Variants in POLR2B observed in about 807,000 individuals in gnomAD.
POLR2B encodes RNA polymerase II subunit B.
Under a neutral mutation model 144.6 loss-of-function variants are expected in POLR2B, and 57 were observed. The ratio of observed to expected loss-of-function variants is 0.39; its 90% CI spans 0.32 to 0.49. The LOEUF is 0.49. Among genes scored for constraint, POLR2B ranks in the 20% least tolerant of loss-of-function variants. POLR2B has a pLI of 0.83. For missense variants in POLR2B, 595 were observed against 1,467.4 expected (o/e 0.41, Z 9.71); for synonymous variants, 442 against 469.8 (o/e 0.94, Z 0.77).
chr4:57,009,420 G>A (rs1192524840), intron 10 of POLR2B: 4 of 152,442 alleles, frequency 2.6e-5, no homozygotes, highest in Middle Eastern at 3.1e-3. Flanking sequence ...GGACTTTAAT[G>A]TTGTGCTCTT....
At chr4:56,987,333 T>C (rs1373893593) in intron 2 of POLR2B, among the ~76,000 whole-genome samples, 1 of 152,192 alleles carries the variant, frequency 6.6e-6, no homozygotes, top group Admixed American at 6.5e-5. Flanking sequence ...AAGCCTTGTA[T>C]AGGTAAGAAA....
chr4:57,010,587 GA>G, intron 11 of POLR2B, 83 bp downstream of exon 11: 1 of 1,432,578 alleles, frequency 7.0e-7, no homozygotes, highest in Non-Finnish European at 9.5e-7. Context: ...ATAGATGTTT[GA>G]AAAATTATGC....
chr4:57,001,051 A>T (rs537634154), intron 7 of POLR2B, among the ~76,000 whole-genome samples: 5 of 152,340 alleles, frequency 3.3e-5, no homozygotes, highest in African/African-American at 1.2e-4. Context: ...AAGTAATAAG[A>T]TCTGTACATT....
chr4:57,022,950 G>A (rs1377884707), intron 18 of POLR2B, among the ~76,000 whole-genome samples: 1 of 152,122 alleles, frequency 6.6e-6, no homozygotes, highest in Non-Finnish European at 1.5e-5. Context: ...TGTACAGAGG[G>A]CATCCATAGA....
intron 18 of POLR2B, 62 bp downstream of exon 18, chr4:57,022,308 T>A: frequency 9.8e-7 from 1 of 1,018,968 alleles, no homozygotes; most frequent in Non-Finnish European, 1.5e-6. Flanking sequence ...TTTTCCTAAG[T>A]GATTTTGATG....
Position 57,017,309 on chromosome 4 carries a change from G to A in POLR2B, c.2154+68G>A, listed in dbSNP as rs1723399959. On this transcript the variant is annotated intron_variant, in intron 15 of 24. Coordinates refer to ENST00000314595, the MANE Select transcript of POLR2B (RefSeq NM_000938.3). The surrounding 1 kb of genome is among the most constrained non-coding windows in gnomAD (Gnocchi z 4.8). Reference sequence around the variant, plus strand: ...AGTAATAAAAATTGAAAGTAACTCTGTAGTCTTATCTGGAGGGAAAAAGCC... The same window carrying A: ...AGTAATAAAAATTGAAAGTAACTCTATAGTCTTATCTGGAGGGAAAAAGCC... 3.4e-6 allele frequency: 4 copies of A among 1,170,584 alleles called. No individual in the cohort carries two copies. The Admixed American group carries it at 7.8e-5, about 23-fold the overall frequency. 72.5% of individuals were successfully genotyped at this position (1,170,584 alleles called of 1,614,324 possible). A position where few individuals can be genotyped will look rare whatever the true frequency, so the allele number is the denominator to read the frequency against.
At chr4:56,993,443 C>T (rs1035722536) in intron 3 of POLR2B, among the ~76,000 whole-genome samples, 10 of 152,190 alleles carry the variant, frequency 6.6e-5, no homozygotes, top group East Asian at 1.9e-4. Flanking sequence ...CCCTTTGGTT[C>T]GTTATCACCA....
At position 56,992,558 on chromosome 4, in the gene POLR2B, CTATTTT is replaced by C. The variant is rs1560473069; in HGVS notation, c.243+1662_243+1667del. ...TGATCAGTATGTGATTTTGGCTTAT[CTATTTT>C]TTTTTTTTTTTTTGAGACAGAGTCT... On this transcript the variant is annotated intron_variant, in intron 3 of 24. Coordinates refer to ENST00000314595, the MANE Select transcript of POLR2B (RefSeq NM_000938.3). Among the ~76,000 whole-genome samples the C allele has an allele frequency of 1.6e-4, 17 of 109,630 alleles. 2 individuals are homozygous for C. The highest frequency in any genetic ancestry group is 2.1e-4 in the Admixed American group (2 of 9,744). 71.9% of individuals were successfully genotyped at this position (109,630 alleles called of 152,430 possible). A position where few individuals can be genotyped will look rare whatever the true frequency, so the allele number is the denominator to read the frequency against.
chr4:56,999,854 A>C (rs187757092), intron 7 of POLR2B, 73 bp downstream of exon 7: 2 of 1,038,256 alleles, frequency 1.9e-6, no homozygotes, highest in East Asian at 4.9e-5. Context: ...CTAACCTTAA[A>C]ACATAGTAGA....
intron 2 of POLR2B, 140 bp from the exon 3 acceptor site, chr4:56,990,608 C>T (rs564886241): frequency 3.1e-5 from 21 of 678,088 alleles, no homozygotes; most frequent in African/African-American, 2.2e-4. Context: ...CTCATAGTGT[C>T]TTGTTTAGTG....
intron 16 of POLR2B, among the ~76,000 whole-genome samples, chr4:57,019,428 C>T (rs746480037): frequency 5.3e-5 from 8 of 151,614 alleles, no homozygotes; most frequent in Non-Finnish European, 8.8e-5. Context: ...TGGTCTCAAA[C>T]TTCTGGGCTC....
In POLR2B at chr4:57,010,398, A is replaced by G; in HGVS notation, c.1442A>G (p.His481Arg). ...NRLTFASTLS[H>R]LRRLNSPIGR... The stretch of plus-strand genomic sequence containing the variant: ...CTGACTTTTGCGTCTACTCTTTCTC[A>G]CCTGCGTCGTTTAAATTCTCCTATT... The change falls in exon 11 of 25, where the codon CAC becomes CGC. Residue 481 changes from histidine (H) to arginine (R), a missense_variant. His to Arg is a conservative substitution (Grantham distance 29). Around this residue, in one of 9 missense-constraint regions of POLR2B, gnomAD observed 251 missense variants for 567.3 expected, o/e 0.44. Coordinates refer to ENST00000314595, the MANE Select transcript of POLR2B (RefSeq NM_000938.3). 6.2e-7 allele frequency: 1 copy of G among 1,613,972 alleles called. No homozygotes were observed. Among genetic ancestry groups the G allele is most frequent in the Non-Finnish European group, 8.5e-7 (1 of 1,179,954 alleles).
chr4:57,027,736 T>A (rs1367267595), intron 23 of POLR2B, among the ~76,000 whole-genome samples: 1 of 152,260 alleles, frequency 6.6e-6, no homozygotes, highest in Non-Finnish European at 1.5e-5. Context: ...CATTGGTTTG[T>A]CTTGTACTTC....
chr4:56,998,221 AT>A lies in POLR2B; in HGVS notation c.736-1380del, dbSNP rs71657245. Among the ~76,000 whole-genome samples, 685 of 143,068 alleles carry A rather than the reference AT, an allele frequency of 4.8e-3. 1 individual carries two copies. Among genetic ancestry groups the A allele is most frequent in the African/African-American group, 0.011 (437 of 39,190 alleles). 93.9% of individuals were successfully genotyped at this position (143,068 alleles called of 152,430 possible). On this transcript the variant is annotated intron_variant, in intron 6 of 24. Coordinates refer to ENST00000314595, the MANE Select transcript of POLR2B (RefSeq NM_000938.3). ...TGTTGTAGACATTTTTTTTCTTTAA[AT>A]TTTTTTTTTTTTTTTGGAGACTAAG... is the stretch of plus-strand genomic sequence containing the variant.
chr4:57,014,904 CTGGTT>C (rs1723318410), intron 13 of POLR2B, among the ~76,000 whole-genome samples: 1 of 151,542 alleles, frequency 6.6e-6, no homozygotes, highest in Admixed American at 6.6e-5. Flanking sequence ...TCTTTTTTTT[CTGGTT>C]TGGTGCTGTC....
Position 57,022,359 on chromosome 4 carries a change from T to G in POLR2B, c.2515+113T>G, listed in dbSNP as rs1723580829. 7.8e-6 allele frequency: 5 copies of G among 643,158 alleles called. No individual in the cohort carries two copies. The Middle Eastern group carries it at 7.6e-4, about 98-fold the overall frequency. 39.8% of individuals were successfully genotyped at this position (643,158 alleles called of 1,614,324 possible). A position where few individuals can be genotyped will look rare whatever the true frequency, so the allele number is the denominator to read the frequency against. On this transcript the variant is annotated intron_variant, in intron 18 of 24. Transcript: ENST00000314595. ...TGCCTGCCCCTGTCCTCCTCTCCCTTTTTTTGTGCAATGAAAGTGTGTTTT... is the reference window on the plus strand; with the variant it reads ...TGCCTGCCCCTGTCCTCCTCTCCCTGTTTTTGTGCAATGAAAGTGTGTTTT...
At chr4:56,993,333 A>C (rs1722580944) in intron 3 of POLR2B, among the ~76,000 whole-genome samples, 1 of 152,072 alleles carries the variant, frequency 6.6e-6, no homozygotes, top group South Asian at 2.1e-4. Flanking sequence ...AAACAAAACA[A>C]AAGAGACTGG....
intron 1 of POLR2B, among the ~76,000 whole-genome samples, chr4:56,984,116 C>T (rs138055518): frequency 5.1e-4 from 77 of 152,096 alleles, no homozygotes; most frequent in African/African-American, 1.7e-3. Flanking sequence ...CTGCCTGCCT[C>T]GGCCTCCTAA....
intron 11 of POLR2B, 56 bp from the exon 12 acceptor site, chr4:57,010,692 A>G: frequency 6.8e-7 from 1 of 1,476,870 alleles, no homozygotes; most frequent in Non-Finnish European, 9.2e-7. Context: ...GTTTATGGAA[A>G]AGAAGTTTGA....
Sources: allele counts gnomAD v4.1 joint callset (sites outside exome capture counted in the v4.1 genomes callset), GRCh38; gene constraint gnomAD v4.1.1; regional missense constraint gnomAD v4.1.1; non-coding constraint Gnocchi (gnomAD v3.1); transcripts MANE v1.5; gene names NCBI Gene and HGNC (gene_info 2026-07-23, HGNC 2026-07-21).